Variants in PTPRN2 observed in about 807,000 individuals in gnomAD.
PTPRN2 encodes the protein protein tyrosine phosphatase receptor type N2, also known as receptor-type tyrosine-protein phosphatase N2.
In PTPRN2, 74 loss-of-function variants were observed where a neutral mutation model predicts 118.8. That is an observed-to-expected ratio of 0.62 (90% CI 0.52 to 0.76). The LOEUF (loss-of-function observed/expected upper bound fraction) is 0.76, where lower values mean the gene tolerates loss of function less well. PTPRN2 is among the 30% of genes least tolerant of loss of function. The probability of loss-of-function intolerance (pLI) is 0.00; values close to 1 mark genes in which losing one functional copy is unlikely to be tolerated. For synonymous variants in PTPRN2, 641 were observed against 608.0 expected (o/e 1.05, Z -0.80); for missense variants, 1,481 against 1,394.4 (o/e 1.06, Z -0.99).
intron 3 of PTPRN2, among the ~76,000 whole-genome samples, chr7:158,240,897 G>A (rs1795869652): frequency 6.6e-6 from 1 of 152,262 alleles, no homozygotes; most frequent in Non-Finnish European, 1.5e-5. Flanking sequence ...TTTGTGGACA[G>A]GAAGTGGAAG....
intron 2 of PTPRN2, among the ~76,000 whole-genome samples, chr7:158,352,070 C>G (rs866993151): frequency 9.3e-5 from 9 of 96,358 alleles, no homozygotes; most frequent in African/African-American, 3.0e-4. Flanking sequence ...CTGTCCGCTC[C>G]CCTCCTGTCC....
rs1267908306 is a variant in PTPRN2, at chr7:158,496,389, G to A, written c.113-6604C>T. On this transcript the variant is annotated intron_variant, in intron 1 of 22. Coordinates refer to ENST00000389418, the MANE Select transcript of PTPRN2 (RefSeq NM_002847.5). ...TCCCCACGCCCCTTCCCCCTTCCCT[G>A]CGCCCCCCTTCTGAGCCCCCTCCCC... is the stretch of plus-strand genomic sequence containing the variant. Among the ~76,000 whole-genome samples the A allele has an allele frequency of 5.9e-3, 150 of 25,424 alleles. 2 individuals carry two copies. Among genetic ancestry groups the A allele is most frequent in the African/African-American group, 0.025 (138 of 5,490 alleles). The allele number at this position is 25,424 out of a possible 152,430, so 16.7% of individuals were successfully genotyped here.
At chr7:157,976,052 G>A (rs570384333) in intron 11 of PTPRN2, among the ~76,000 whole-genome samples, 4 of 152,354 alleles carry the variant, frequency 2.6e-5, no homozygotes, top group African/African-American at 9.6e-5. Context: ...TCCCTCACCT[G>A]AGTGCTCACC....
At chr7:157,905,811 G>T (rs879257358) in intron 11 of PTPRN2, among the ~76,000 whole-genome samples, 1 of 152,184 alleles carries the variant, frequency 6.6e-6, no homozygotes, top group African/African-American at 2.4e-5. Flanking sequence ...ACCCAGGCCC[G>T]GGGTGAAGCT....
chr7:157,568,783 A>T, intron 21 of PTPRN2, 119 bp downstream of exon 21: 1 of 994,928 alleles, frequency 1.0e-6, no homozygotes, highest in South Asian at 1.4e-5. Context: ...ACGGCCCAGC[A>T]GAGGCACAAC....
chr7:157,574,261 A>C, intron 19 of PTPRN2: 1 of 440,142 alleles, frequency 2.3e-6, no homozygotes, highest in Non-Finnish European at 5.1e-6. Context: ...CCGTCATGCA[A>C]AGCACCAGCA....
At position 157,787,806 on chromosome 7, in the gene PTPRN2, C is replaced by T. The variant is rs1240618812; in HGVS notation, c.1789-104869G>A. Among the ~76,000 whole-genome samples the T allele has an allele frequency of 6.6e-6, 1 of 152,126 alleles. No homozygotes were observed. The highest frequency in any genetic ancestry group is 1.5e-5 in the Non-Finnish European group (1 of 68,010). ...CATGGCTGGGGGAGGCACCTGGGGGCCCCGTCCAAGCTGCCAAGGGCTGGG... is the reference window on the plus strand; with the variant it reads ...CATGGCTGGGGGAGGCACCTGGGGGTCCCGTCCAAGCTGCCAAGGGCTGGG... On this transcript the variant is annotated intron_variant, in intron 12 of 22. Coordinates refer to ENST00000389418, the MANE Select transcript of PTPRN2 (RefSeq NM_002847.5). The surrounding 1 kb of genome is among the most constrained non-coding windows in gnomAD (Gnocchi z 5.3).
chr7:158,085,882 G>A (rs1242651263), intron 10 of PTPRN2, among the ~76,000 whole-genome samples: 56 of 120,646 alleles, frequency 4.6e-4, no homozygotes, highest in African/African-American at 1.6e-3. Context: ...CACCTACGAC[G>A]CCCATCCACA....
chr7:158,096,540 G>T (rs892604620), intron 10 of PTPRN2, among the ~76,000 whole-genome samples: 2 of 152,202 alleles, frequency 1.3e-5, no homozygotes, highest in African/African-American at 4.8e-5. Context: ...TTCCCTTGTT[G>T]TCTCATCTTA....
At chr7:158,177,633 T>A (rs1824335857) in intron 5 of PTPRN2, among the ~76,000 whole-genome samples, 1 of 152,232 alleles carries the variant, frequency 6.6e-6, no homozygotes, top group Admixed American at 6.5e-5. Context: ...AAACTGGAAT[T>A]ATAACAATAG....
At chr7:158,327,182 C>T (rs571364160) in intron 2 of PTPRN2, among the ~76,000 whole-genome samples, 1 of 151,242 alleles carries the variant, frequency 6.6e-6, no homozygotes, top group Non-Finnish European at 1.5e-5. Context: ...CACACACATG[C>T]TCACATTCTC....
chr7:158,487,026 T>G (rs569628734), intron 2 of PTPRN2, among the ~76,000 whole-genome samples: 38 of 152,328 alleles, frequency 2.5e-4, no homozygotes, highest in Middle Eastern at 3.4e-3. Flanking sequence ...AATCATTCAG[T>G]ATTTGTCCTT....
intron 12 of PTPRN2, among the ~76,000 whole-genome samples, chr7:157,885,328 C>T (rs898804175): frequency 2.6e-5 from 4 of 152,198 alleles, no homozygotes; most frequent in African/African-American, 9.6e-5. Flanking sequence ...CTCCACAGTG[C>T]CCAGGTGGGC....
At chr7:158,398,527 T>C (rs1419865352) in intron 2 of PTPRN2, among the ~76,000 whole-genome samples, 3 of 152,378 alleles carry the variant, frequency 2.0e-5, no homozygotes, top group Middle Eastern at 3.4e-3. Flanking sequence ...GTTCTGTTAT[T>C]GCCGTTGTCA....
intron 1 of PTPRN2, among the ~76,000 whole-genome samples, chr7:158,584,281 G>A (rs1298296938): frequency 6.6e-6 from 1 of 152,160 alleles, no homozygotes; most frequent in Non-Finnish European, 1.5e-5. Context: ...TCACAAGTCA[G>A]CCTCCATGTA....
chr7:157,897,062 G>A (rs575345215), intron 12 of PTPRN2, among the ~76,000 whole-genome samples: 2 of 152,046 alleles, frequency 1.3e-5, no homozygotes, highest in Non-Finnish European at 1.5e-5. Context: ...TCCCAGCCTC[G>A]ACGCGTTCTC....
At chr7:157,636,020 A>G (rs990763181) in intron 14 of PTPRN2, among the ~76,000 whole-genome samples, 2 of 152,254 alleles carry the variant, frequency 1.3e-5, no homozygotes, top group Non-Finnish European at 2.9e-5. Flanking sequence ...ATACTTCCCC[A>G]ACCCTCTCTT....
Position 157,813,525 on chromosome 7 carries a change from T to C in PTPRN2, c.1788+85148A>G, listed in dbSNP as rs1338138895. On this transcript the variant is annotated intron_variant, in intron 12 of 22. Coordinates refer to ENST00000389418, the MANE Select transcript of PTPRN2 (RefSeq NM_002847.5). The surrounding 1 kb of genome is among the most constrained non-coding windows in gnomAD (Gnocchi z 4.7). ...TGTTAAACTTTGTTAGTGTACAAAA[T>C]GTGGTGATCCTACTCGTATAAAAAA... 1.3e-5 allele frequency among the ~76,000 whole-genome samples: 2 copies of C among 152,150 alleles called. No homozygotes were observed. Among genetic ancestry groups the C allele is most frequent in the Non-Finnish European group, 2.9e-5 (2 of 68,028 alleles).
rs569884376 is a variant in PTPRN2, at chr7:157,585,615, G to A, written c.2497-7475C>T. ...CCCTGTGGCCTCTGCCTGTGCTCACGTTCCCGGTTAAATATGCGCCTGGTC... is the reference window on the plus strand; with the variant it reads ...CCCTGTGGCCTCTGCCTGTGCTCACATTCCCGGTTAAATATGCGCCTGGTC... On this transcript the variant is annotated intron_variant, in intron 17 of 22. Transcript: ENST00000389418. This position sits in a 1 kb window ranked among gnomAD's most constrained non-coding sequence, Gnocchi z 5.2. 5.3e-5 allele frequency among the ~76,000 whole-genome samples: 8 copies of A among 152,324 alleles called. No homozygotes were observed. The highest frequency in any genetic ancestry group is 2.1e-4 in the South Asian group (1 of 4,830).
Sources: allele counts gnomAD v4.1 joint callset (sites outside exome capture counted in the v4.1 genomes callset), GRCh38; gene constraint gnomAD v4.1.1; non-coding constraint Gnocchi (gnomAD v3.1); transcripts MANE v1.5; gene names NCBI Gene and HGNC (gene_info 2026-07-23, HGNC 2026-07-21).